NIF3L1: variants seen among roughly 807,000 people sequenced by gnomAD.
The protein encoded by NIF3L1 is NGG1 interacting factor 3 like 1.
NIF3L1 carries 26 observed loss-of-function variants against 35.0 expected under a neutral mutation model. The observed-to-expected ratio is 0.74, with a 90% CI of 0.54 to 1.03. The LOEUF (loss-of-function observed/expected upper bound fraction) is 1.03. NIF3L1 is among the 50% of genes least tolerant of loss of function. NIF3L1 has a pLI of 0.00. For synonymous variants in NIF3L1, 157 were observed against 178.9 expected, an observed-to-expected ratio of 0.88 and a Z score of 0.98; for missense variants, 449 against 466.3, an observed-to-expected ratio of 0.96 and a Z score of 0.34.
Position 200,895,376 on chromosome 2 carries a change from C to A in NIF3L1, c.712C>A (p.Leu238Met). The change falls in exon 4 of 7, where the codon CTG becomes ATG. Residue 238 changes from leucine to methionine, a missense_variant. Coordinates refer to ENST00000409020, the MANE Select transcript of NIF3L1 (RefSeq NM_001369441.2). Reference protein sequence around the residue: ...NKQLYQKTEILSLEKPLLLHT... With the variant: ...NKQLYQKTEIMSLEKPLLLHT... Reference sequence around the variant, plus strand: ...ACAACTTTATCAGAAGACGGAAATTCTGTCACTGGAGAAGGTAATAAGAAT... The same window carrying A: ...ACAACTTTATCAGAAGACGGAAATTATGTCACTGGAGAAGGTAATAAGAAT... 6.2e-7 allele frequency: 1 copy of A among 1,613,972 alleles called. No homozygotes were observed. The highest frequency in any genetic ancestry group is 8.5e-7 in the Non-Finnish European group (1 of 1,179,906).
chr2:200,896,634 G>GAT (rs1240608921), intron 4 of NIF3L1, among the ~76,000 whole-genome samples: 1 of 152,164 alleles, frequency 6.6e-6, no homozygotes, highest in African/African-American at 2.4e-5. Flanking sequence ...CCAGGCTAGA[G>GAT]TGCAGTGGTA....
In NIF3L1 at chr2:200,892,507, T is replaced by A. The variant is rs554513987; in HGVS notation, c.436+128T>A. The A allele has an allele frequency of 7.5e-6, 5 of 662,350 alleles. No homozygotes were observed. The African/African-American group carries it at 9.1e-5, about 12-fold the overall frequency. 41.0% of individuals were successfully genotyped at this position (662,350 alleles called of 1,614,324 possible). A position where few individuals can be genotyped will look rare whatever the true frequency, so the allele number is the denominator to read the frequency against. On this transcript the variant is annotated intron_variant, in intron 2 of 6. Transcript: ENST00000409020. ...TGATTCCATTTTTATATAATAATTT[T>A]AAAATAATGTTGCTGAAATTTGGCA...
chr2:200,903,277 A>C (rs2040437850), intron 6 of NIF3L1, among the ~76,000 whole-genome samples: 1 of 152,238 alleles, frequency 6.6e-6, no homozygotes, highest in South Asian at 2.1e-4. Context: ...TGCTGGGATT[A>C]CAGGCGTGAG....
Position 200,895,251 on chromosome 2 carries a change from T to A in NIF3L1, c.600-13T>A, listed in dbSNP as rs756254383. 6.2e-7 allele frequency: 1 copy of A among 1,610,614 alleles called. No individual in the cohort carries two copies. Among genetic ancestry groups the A allele is most frequent in the African/African-American group, 1.3e-5 (1 of 74,840 alleles). ...CTATATTTGTCCTAAATGGAGTGAT[T>A]TTTCCCCCCTAGGACTGGTAATGAG... On this transcript the variant is annotated splice_polypyrimidine_tract_variant and intron_variant, in intron 3 of 6. Transcript: ENST00000409020.
chr2:200,895,478 ATATTGAGGTATACCT>A (rs2040290588), intron 4 of NIF3L1, 88 bp downstream of exon 4: 1 of 1,293,948 alleles, frequency 7.7e-7, no homozygotes, highest in Non-Finnish European at 1.1e-6. Context: ...ATACTTAGGT[ATATTGAGGTATACCT>A]TATTGAGGTA....
At chr2:200,895,101 T>C (rs2040278543) in intron 3 of NIF3L1, among the ~76,000 whole-genome samples, 163 bp from the exon 4 acceptor site, 1 of 152,212 alleles carries the variant, frequency 6.6e-6, no homozygotes, top group Admixed American at 6.5e-5. Context: ...GTTAGAGAAA[T>C]GCTATTCTAG....
In NIF3L1 at chr2:200,891,976, G is replaced by A. The variant is rs778259775; in HGVS notation, c.33G>A (p.Thr11=). Residue 11 remains threonine, a synonymous_variant, in exon 2 of 7, where the codon ACG becomes ACA. Transcript: ENST00000409020. ...CATCTTGCGTACGCCCAGTCCCCAC[G>A]ACAGTCCGGTTTGTAGATTCCCTGA... MLSSCVRPVP[T]TVRFVDSLIC... The A allele has an allele frequency of 1.2e-5, 20 of 1,613,482 alleles. No individual in the cohort carries two copies. The highest frequency in any genetic ancestry group is 2.2e-5 in the East Asian group (1 of 44,890).
intron 5 of NIF3L1, 26 bp from the exon 6 acceptor site, chr2:200,899,359 G>C: frequency 6.4e-7 from 1 of 1,555,692 alleles, no homozygotes; most frequent in South Asian, 1.1e-5. Flanking sequence ...GTAAAGTATT[G>C]GTCTCTTGTT....
In NIF3L1 at chr2:200,899,552, T is replaced by C. The variant is rs558295801; in HGVS notation, c.949+84T>C. 4.8e-6 allele frequency: 4 copies of C among 836,230 alleles called. No individual in the cohort carries two copies. In the East Asian group the frequency reaches 1.0e-4, roughly 21 times the overall value. 51.8% of individuals were successfully genotyped at this position (836,230 alleles called of 1,614,324 possible). A position where few individuals can be genotyped will look rare whatever the true frequency, so the allele number is the denominator to read the frequency against. On this transcript the variant is annotated intron_variant, in intron 6 of 6. Coordinates refer to ENST00000409020, the MANE Select transcript of NIF3L1 (RefSeq NM_001369441.2). Reference sequence around the variant, plus strand: ...TTTAGGACAGTACCTGGCACATAGATGATACCTAATTAATGTTTTCTGAAC... The same window carrying C: ...TTTAGGACAGTACCTGGCACATAGACGATACCTAATTAATGTTTTCTGAAC...
chr2:200,891,822 C>T (rs1378203699), intron 1 of NIF3L1, 96 bp from the exon 2 acceptor site: 3 of 726,410 alleles, frequency 4.1e-6, no homozygotes, highest in Non-Finnish European at 6.8e-6. Context: ...GAACCCAGAT[C>T]TCTATGACGA....
rs1174392357 is a variant in NIF3L1 at position 200,895,271 on chromosome 2, A to C, written c.607A>C (p.Asn203His). Residue 203 changes from asparagine (N) to histidine (H), a missense_variant, in exon 4 of 7, where the codon AAT becomes CAT. Coordinates refer to ENST00000409020, the MANE Select transcript of NIF3L1 (RefSeq NM_001369441.2). ...SVTSFSARTG[N>H]EEQTRINLNC... ...GTGATTTTTCCCCCCTAGGACTGGT[A>C]ATGAGGAACAAACACGGATTAATCT... The C allele has an allele frequency of 1.2e-6, 2 of 1,613,980 alleles. No homozygotes were observed. The highest frequency in any genetic ancestry group is 3.3e-5 in the Admixed American group (2 of 60,024).
chr2:200,893,763 A>G (rs1372514808), intron 3 of NIF3L1, among the ~76,000 whole-genome samples: 1 of 152,204 alleles, frequency 6.6e-6, no homozygotes, highest in Non-Finnish European at 1.5e-5. Context: ...CAAATCAGTG[A>G]TTCCCAAGTG....
rs754149560 is a variant in NIF3L1, at chr2:200,895,384, G to A, written c.720G>A (p.Leu240=). 1 of 1,613,864 alleles carries A rather than the reference G, an allele frequency of 6.2e-7. No individual in the cohort carries two copies. The highest frequency in any genetic ancestry group is 1.7e-5 in the Admixed American group (1 of 60,024). ...QLYQKTEILS[L]EKPLLLHTGM... is the part of the protein sequence containing the mutation. ...ATCAGAAGACGGAAATTCTGTCACT[G>A]GAGAAGGTAATAAGAATATTTTGTA... Residue 240 remains leucine, a synonymous_variant, in exon 4 of 7, where the codon CTG becomes CTA. Coordinates refer to ENST00000409020, the MANE Select transcript of NIF3L1 (RefSeq NM_001369441.2).
At chr2:200,902,656 T>C (rs569695434) in intron 6 of NIF3L1, among the ~76,000 whole-genome samples, 5 of 152,364 alleles carry the variant, frequency 3.3e-5, no homozygotes, top group South Asian at 4.1e-4. Flanking sequence ...CCAGAGTTTC[T>C]AGGGATTTTG....
At position 200,893,300 on chromosome 2, in the gene NIF3L1, A is replaced by C. The variant is rs775943124; in HGVS notation, c.491A>C (p.Glu164Ala). ...HPSKAPNYPT[E>A]GNHRVEFNVN... ...TCCAAAGCTCCCAACTACCCTACAG[A>C]GGGAAACCACCGAGTAGAATTCAAC... Residue 164 changes from glutamate to alanine, a missense_variant, in exon 3 of 7, where the codon GAG becomes GCG. Coordinates refer to ENST00000409020, the MANE Select transcript of NIF3L1 (RefSeq NM_001369441.2). 3.4e-5 allele frequency: 55 copies of C among 1,607,158 alleles called. No individual in the cohort carries two copies. Among genetic ancestry groups the C allele is most frequent in the Non-Finnish European group, 4.7e-5 (55 of 1,176,200 alleles).
intron 5 of NIF3L1, among the ~76,000 whole-genome samples, chr2:200,898,450 C>A (rs185283220): frequency 6.6e-6 from 1 of 152,252 alleles, no homozygotes; most frequent in Admixed American, 6.5e-5. Context: ...GATCCAATTA[C>A]CTCCACCTGG....
rs1249258740 is a variant in NIF3L1, at chr2:200,891,934, T to G, written c.-10T>G. ...TGACATCAGAAACTTGAACTTTACC[T>G]GATTTCTGTATGTTGTCATCTTGCG... On this transcript the variant is annotated 5_prime_UTR_variant, in exon 2 of 7. The change abolishes the stop of an existing upstream ORF in the 5' untranslated region. Coordinates refer to ENST00000409020, the MANE Select transcript of NIF3L1 (RefSeq NM_001369441.2). 1 of 1,580,398 alleles carries G rather than the reference T, an allele frequency of 6.3e-7. No homozygotes were observed. The highest frequency in any genetic ancestry group is 1.3e-5 in the African/African-American group (1 of 74,188).
rs1189340339 is a variant in NIF3L1 at position 200,895,329 on chromosome 2, T to TA, written c.666dup (p.Asp223ArgfsTer36). 6.2e-7 allele frequency: 1 copy of TA among 1,613,738 alleles called. No homozygotes were observed. Among genetic ancestry groups the TA allele is most frequent in the Non-Finnish European group, 8.5e-7 (1 of 1,179,768 alleles). On this transcript the variant is annotated frameshift_variant, in exon 4 of 7. Coordinates refer to ENST00000409020, the MANE Select transcript of NIF3L1 (RefSeq NM_001369441.2). LOFTEE classifies it high-confidence loss of function. ...ACTCAGAAGGCTTTGATGCAGGTGGTAGATTTTCTTTCCCGGAACAAACAA... is the reference window on the plus strand; with the variant it reads ...ACTCAGAAGGCTTTGATGCAGGTGGTAAGATTTTCTTTCCCGGAACAAACAA...
intron 1 of NIF3L1, 100 bp from the exon 2 acceptor site, chr2:200,891,818 A>G: frequency 1.4e-6 from 1 of 708,316 alleles, no homozygotes; most frequent in Non-Finnish European, 2.3e-6. Flanking sequence ...ATTTGAACCC[A>G]GATCTCTATG....
Sources: allele counts gnomAD v4.1 joint callset (sites outside exome capture counted in the v4.1 genomes callset), GRCh38; gene constraint gnomAD v4.1.1; transcripts MANE v1.5; gene names NCBI Gene and HGNC (gene_info 2026-07-23, HGNC 2026-07-21).